COLEC10: variants seen among roughly 807,000 people sequenced by gnomAD.
COLEC10 encodes the protein collectin subfamily member 10.
COLEC10 carries 22 observed loss-of-function variants against 28.4 expected under a neutral mutation model. That is an observed-to-expected ratio of 0.78 (90% CI 0.55 to 1.11). The LOEUF is 1.11. COLEC10 is among the 50% of genes least tolerant of loss of function. The pLI, the probability that COLEC10 is intolerant of heterozygous loss-of-function variation, is 0.00. For missense variants in COLEC10, 361 were observed against 344.1 expected (o/e 1.05, Z -0.39); for synonymous variants, 125 against 116.1 (o/e 1.08, Z -0.49).
chr8:118,953,059 C>A, the COLEC10 span, among the ~76,000 whole-genome samples: 60 of 152,238 alleles, frequency 3.9e-4, no homozygotes, highest in African/African-American at 1.2e-3. Flanking sequence ...GAGAGGGGAC[C>A]CCTGGGGAGC....
At chr8:118,982,664 G>T in the COLEC10 span, 1 of 179,562 alleles carries the variant, frequency 5.6e-6, no homozygotes, top group East Asian at 1.3e-4. Context: ...CTTTTCAGAA[G>T]GAAGCTGAAT....
the COLEC10 span, among the ~76,000 whole-genome samples, chr8:118,984,670 A>T: frequency 6.6e-6 from 1 of 152,154 alleles, no homozygotes; most frequent in South Asian, 2.1e-4. Flanking sequence ...TGTGTCTATA[A>T]GCCAAGGAAC....
At chr8:119,098,331 T>A (rs1274550889) in intron 3 of COLEC10, among the ~76,000 whole-genome samples, 1 of 152,082 alleles carries the variant, frequency 6.6e-6, no homozygotes. Context: ...CCAAAGTGGA[T>A]GAACTTCCAG....
At chr8:119,051,277 A>G (rs902345216) in intron 2 of COLEC10, among the ~76,000 whole-genome samples, 1 of 152,202 alleles carries the variant, frequency 6.6e-6, no homozygotes, top group Non-Finnish European at 1.5e-5. Context: ...TTGGATTACA[A>G]CTAACTTCCT....
chr8:118,970,299 C>G, the COLEC10 span, among the ~76,000 whole-genome samples: 7 of 152,098 alleles, frequency 4.6e-5, no homozygotes, highest in South Asian at 6.2e-4. Flanking sequence ...TGTATGGACA[C>G]AGGTCTGTGG....
At chr8:119,057,911 G>C (rs115506275) in intron 2 of COLEC10, among the ~76,000 whole-genome samples, 2,681 of 152,092 alleles carry the variant, frequency 0.018, 87 homozygotes, top group African/African-American at 0.061. Flanking sequence ...TAGGGTACTT[G>C]AGCTCTTTAA....
intron 2 of COLEC10, among the ~76,000 whole-genome samples, chr8:119,014,541 G>A (rs1400401646): frequency 2.0e-5 from 3 of 150,380 alleles, no homozygotes; most frequent in Admixed American, 6.6e-5. Flanking sequence ...CCTAGATGTA[G>A]TTTTTGTTTG....
the COLEC10 span, among the ~76,000 whole-genome samples, chr8:118,982,152 T>C: frequency 6.6e-6 from 1 of 152,156 alleles, no homozygotes; most frequent in African/African-American, 2.4e-5. Flanking sequence ...AATTATATTC[T>C]TTTAATACTT....
At chr8:119,040,009 TG>T (rs779426583) in intron 2 of COLEC10, among the ~76,000 whole-genome samples, 3 of 152,184 alleles carry the variant, frequency 2.0e-5, no homozygotes, top group African/African-American at 7.2e-5. Context: ...TGGGCATCTT[TG>T]GGGGTTATTA....
chr8:119,063,857 A>T (rs761369987), upstream of COLEC10, among the ~76,000 whole-genome samples: 9 of 152,010 alleles, frequency 5.9e-5, no homozygotes, highest in Middle Eastern at 6.8e-3. Flanking sequence ...GGGAAATGAA[A>T]GATAAAAGCA....
At chr8:118,964,159 G>A in the COLEC10 span, among the ~76,000 whole-genome samples, 1 of 152,282 alleles carries the variant, frequency 6.6e-6, no homozygotes, top group African/African-American at 2.4e-5. Flanking sequence ...AGTCTAGGAA[G>A]CCAGACTATT....
At chr8:118,991,762 T>C (rs142334928), upstream of COLEC10, among the ~76,000 whole-genome samples, 65 of 152,162 alleles carry the variant, frequency 4.3e-4, no homozygotes, top group Non-Finnish European at 6.6e-4. Context: ...AAGGAGAAAA[T>C]TGATATTAAT....
intron 2 of COLEC10, among the ~76,000 whole-genome samples, chr8:119,023,893 G>A (rs1437101496): frequency 1.3e-5 from 2 of 151,226 alleles, no homozygotes; most frequent in Non-Finnish European, 2.9e-5. Context: ...TTAGAAGGGT[G>A]CATGGTAGTC....
intron 2 of COLEC10, among the ~76,000 whole-genome samples, chr8:119,044,029 T>C (rs1438285930): frequency 6.6e-6 from 1 of 152,246 alleles, no homozygotes; most frequent in Non-Finnish European, 1.5e-5. Context: ...CAGGAATGCC[T>C]GAAGGTACAG....
intron 2 of COLEC10, among the ~76,000 whole-genome samples, chr8:119,028,297 G>T (rs1814230000): frequency 6.6e-6 from 1 of 152,060 alleles, no homozygotes; most frequent in Non-Finnish European, 1.5e-5. Flanking sequence ...ACAGACTTTT[G>T]GGAAAAGTGA....
At chr8:118,982,353 A>G in the COLEC10 span, among the ~76,000 whole-genome samples, 1 of 152,172 alleles carries the variant, frequency 6.6e-6, no homozygotes, top group Non-Finnish European at 1.5e-5. Flanking sequence ...GAAACTCTAC[A>G]TGATAATTTG....
chr8:119,100,408 A>T (rs909936164), intron 3 of COLEC10, among the ~76,000 whole-genome samples: 1 of 152,190 alleles, frequency 6.6e-6, no homozygotes, highest in African/African-American at 2.4e-5. Flanking sequence ...GTACTTAGTA[A>T]AATGTATATT....
intron 3 of COLEC10, among the ~76,000 whole-genome samples, chr8:119,091,873 T>C (rs1815611013): frequency 6.6e-6 from 1 of 152,134 alleles, no homozygotes; most frequent in South Asian, 2.1e-4. Flanking sequence ...TGGGATCTAC[T>C]TGTTGGCTAC....
intron 2 of COLEC10, among the ~76,000 whole-genome samples, chr8:119,058,355 T>C (rs1027105729): frequency 2.0e-5 from 3 of 152,014 alleles, no homozygotes; most frequent in African/African-American, 4.8e-5. Context: ...AGTCATCACT[T>C]TACTGTAGAT....
Sources: allele counts gnomAD v4.1 joint callset (sites outside exome capture counted in the v4.1 genomes callset), GRCh38; gene constraint gnomAD v4.1.1; transcripts MANE v1.5; gene names NCBI Gene and HGNC (gene_info 2026-07-23, HGNC 2026-07-21).